The following CDH13 variants were observed in gnomAD, a reference collection of about 807,000 sequenced individuals.
CDH13 encodes the protein cadherin 13, also known as cadherin-13.
In CDH13, 24 loss-of-function variants were observed where a neutral mutation model predicts 63.8. The observed-to-expected ratio is 0.38, with a 90% CI of 0.27 to 0.53. The LOEUF (loss-of-function observed/expected upper bound fraction) is 0.53, where lower values mean the gene tolerates loss of function less well. Ranked by LOEUF, CDH13 falls within the 20% of genes least tolerant of loss-of-function variation. The probability of loss-of-function intolerance (pLI) is 0.85; values close to 1 mark genes in which losing one functional copy is unlikely to be tolerated. For missense variants in CDH13, 1,049 were observed against 903.1 expected (o/e 1.16, Z -2.07); for synonymous variants, 503 against 355.3 (o/e 1.42, Z -4.67).
chr16:83,302,098 C>G (rs2089762052), intron 5 of CDH13, among the ~76,000 whole-genome samples: 1 of 152,096 alleles, frequency 6.6e-6, no homozygotes, highest in Middle Eastern at 3.2e-3. Flanking sequence ...GTTGTGAGTA[C>G]TACGTGATGT....
chr16:83,766,244 C>A (rs1914378264), intron 11 of CDH13, among the ~76,000 whole-genome samples: 1 of 152,168 alleles, frequency 6.6e-6, no homozygotes, highest in South Asian at 2.1e-4. Flanking sequence ...TAGACAGAGC[C>A]ACTACTCTCA....
At chr16:83,370,905 C>G (rs1298900721) in intron 6 of CDH13, among the ~76,000 whole-genome samples, 1 of 152,116 alleles carries the variant, frequency 6.6e-6, no homozygotes, top group African/African-American at 2.4e-5. Flanking sequence ...CCTGTCTTTA[C>G]TACTGTGAAT....
rs149342131 is a variant in CDH13, at chr16:82,883,821, G to A, written c.157+25348G>A. ...CACTGTATCTTTCTGTCCTTACTCT[G>A]TGCCTGGGACAGCTTTAGGGCTTAA... On this transcript the variant is annotated intron_variant, in intron 2 of 13. Coordinates refer to ENST00000567109, the MANE Select transcript of CDH13 (RefSeq NM_001257.5). Among the ~76,000 whole-genome samples, 518 of 152,288 alleles carry A rather than the reference G, an allele frequency of 3.4e-3. 3 individuals are homozygous for A. Among genetic ancestry groups the A allele is most frequent in the African/African-American group, 0.011 (467 of 41,542 alleles).
chr16:83,303,747 A>C (rs1173234292), intron 5 of CDH13, among the ~76,000 whole-genome samples: 1 of 152,194 alleles, frequency 6.6e-6, no homozygotes, highest in African/African-American at 2.4e-5. Context: ...CTACTGCTTC[A>C]GTTTAGCATA....
chr16:83,238,582 G>A (rs932942539), intron 5 of CDH13, among the ~76,000 whole-genome samples: 7 of 152,144 alleles, frequency 4.6e-5, no homozygotes, highest in Non-Finnish European at 1.0e-4. Context: ...GTTGTGTGAT[G>A]GATTTCTATG....
intron 5 of CDH13, among the ~76,000 whole-genome samples, chr16:83,286,553 C>A (rs1271547016): frequency 5.3e-5 from 8 of 151,986 alleles, no homozygotes; most frequent in Non-Finnish European, 1.5e-5. Flanking sequence ...CTCAGGAGTT[C>A]AAGACCAGCC....
chr16:82,903,046 T>C (rs1236039357), intron 2 of CDH13, among the ~76,000 whole-genome samples: 1 of 152,216 alleles, frequency 6.6e-6, no homozygotes, highest in Admixed American at 6.5e-5. Flanking sequence ...TTTGAATCCT[T>C]ACAACAACTC....
chr16:83,622,514 A>G (rs1909910884), intron 8 of CDH13, among the ~76,000 whole-genome samples: 1 of 152,170 alleles, frequency 6.6e-6, no homozygotes, highest in African/African-American at 2.4e-5. Flanking sequence ...GTGCGTATCT[A>G]CTTTAAAATC....
At chr16:82,943,745 C>G (rs1260441562) in intron 2 of CDH13, among the ~76,000 whole-genome samples, 2 of 152,246 alleles carry the variant, frequency 1.3e-5, no homozygotes, top group Non-Finnish European at 2.9e-5. Flanking sequence ...AGAATTTGGA[C>G]TGCTGCAATC....
At chr16:82,811,482 G>T (rs2037442238) in intron 1 of CDH13, among the ~76,000 whole-genome samples, 1 of 152,134 alleles carries the variant, frequency 6.6e-6, no homozygotes, top group African/African-American at 2.4e-5. Flanking sequence ...CCTATAACTG[G>T]TGACAAACAC....
At chr16:83,083,478 G>A (rs1157005341) in intron 3 of CDH13, among the ~76,000 whole-genome samples, 2 of 152,182 alleles carry the variant, frequency 1.3e-5, no homozygotes, top group Admixed American at 6.5e-5. Context: ...CCCATGTTAT[G>A]CATATGGAAA....
intron 2 of CDH13, among the ~76,000 whole-genome samples, chr16:82,901,321 C>T (rs933349702): frequency 1.1e-4 from 14 of 121,890 alleles, no homozygotes; most frequent in African/African-American, 4.7e-4. Context: ...AGATAGTATT[C>T]TCCTGTGTGT....
At chr16:83,046,611 C>T (rs1160792872) in intron 3 of CDH13, among the ~76,000 whole-genome samples, 1 of 152,112 alleles carries the variant, frequency 6.6e-6, no homozygotes, top group Non-Finnish European at 1.5e-5. Context: ...GAGGAAATAG[C>T]CCACTGGGAA....
chr16:82,940,186 C>G (rs2042789084), intron 2 of CDH13, among the ~76,000 whole-genome samples: 1 of 152,140 alleles, frequency 6.6e-6, no homozygotes, highest in Non-Finnish European at 1.5e-5. Flanking sequence ...CGCAGCCAAA[C>G]CATATCAGTA....
rs762798559 is a variant in CDH13, at chr16:83,008,508, G to A, written c.158-23502G>A. On this transcript the variant is annotated intron_variant, in intron 2 of 13. Coordinates refer to ENST00000567109, the MANE Select transcript of CDH13 (RefSeq NM_001257.5). ...TGAGGGTGAGAGTAGCACAAAATGCGTACAACAAAGTATGTTATGGAGAAG... is the reference window on the plus strand; with the variant it reads ...TGAGGGTGAGAGTAGCACAAAATGCATACAACAAAGTATGTTATGGAGAAG... Among the ~76,000 whole-genome samples the A allele has an allele frequency of 9.9e-5, 15 of 152,280 alleles. No individual in the cohort carries two copies. The East Asian group carries it at 1.7e-3, about 18-fold the overall frequency.
At chr16:83,099,024 C>A (rs1471875023) in intron 3 of CDH13, among the ~76,000 whole-genome samples, 1 of 151,924 alleles carries the variant, frequency 6.6e-6, no homozygotes, top group Non-Finnish European at 1.5e-5. Context: ...CTATATATAC[C>A]TATGTGTGTG....
intron 2 of CDH13, among the ~76,000 whole-genome samples, chr16:83,018,357 G>T (rs992344160): frequency 1.3e-5 from 2 of 152,110 alleles, no homozygotes; most frequent in Admixed American, 1.3e-4. Context: ...ATCCCTTACT[G>T]CCTACTGTCT....
intron 7 of CDH13, among the ~76,000 whole-genome samples, chr16:83,510,199 G>A (rs3999): frequency 0.63 from 95,969 of 151,986 alleles, 30,704 homozygotes; most frequent in East Asian, 0.84. Flanking sequence ...ATTTTCGAGT[G>A]GATAAAGTGA....
chr16:82,752,217 A>C (rs999599215), intron 1 of CDH13, among the ~76,000 whole-genome samples: 2 of 152,246 alleles, frequency 1.3e-5, no homozygotes, highest in African/African-American at 4.8e-5. Flanking sequence ...CCTGAGGTGC[A>C]AGAACAATGA....
Sources: gnomAD v4.1 joint callset for allele counts (sites outside exome capture counted in the v4.1 genomes callset) on GRCh38, gnomAD v4.1.1 for gene constraint, MANE v1.5 for transcripts, NCBI Gene and HGNC (gene_info 2026-07-23, HGNC 2026-07-21) for gene names.